PCDHA8: variants seen among roughly 807,000 people sequenced by gnomAD.
PCDHA8 encodes protocadherin alpha 8, also known as protocadherin alpha-8.
Under a neutral mutation model 61.8 loss-of-function variants are expected in PCDHA8, and 53 were observed. The ratio of observed to expected loss-of-function variants is 0.86; its 90% CI spans 0.69 to 1.08. The LOEUF (loss-of-function observed/expected upper bound fraction) is 1.08. Among genes scored for constraint, PCDHA8 ranks in the 50% least tolerant of loss-of-function variants. The pLI is 0.00. For missense variants in PCDHA8, 1,293 were observed against 1,245.0 expected (o/e 1.04, Z -0.58); for synonymous variants, 618 against 556.6 (o/e 1.11, Z -1.55).
intron 1 of PCDHA8, chr5:140,884,153 G>T: frequency 6.2e-7 from 1 of 1,613,470 alleles, no homozygotes; most frequent in Non-Finnish European, 8.5e-7. Flanking sequence ...GCTGTACACT[G>T]GCGAGATCAG....
intron 1 of PCDHA8, chr5:140,857,097 T>A: frequency 6.3e-7 from 1 of 1,597,284 alleles, no homozygotes; most frequent in South Asian, 1.1e-5. Context: ...CCTGAGGTGA[T>A]TGTCACTTCT....
chr5:140,850,287 G>A lies in PCDHA8; in HGVS notation c.2394+6572G>A. On this transcript the variant is annotated intron_variant, in intron 1 of 3. Transcript: ENST00000531613. ...AGTGGTGGGGAAGGTGCGCGCAGTG[G>A]ACGCCGACTCGGGCTACAACGCGTG... 2.5e-6 allele frequency: 4 copies of A among 1,595,954 alleles called. 1 individual carries two copies. Among genetic ancestry groups the A allele is most frequent in the Non-Finnish European group, 3.4e-6 (4 of 1,167,630 alleles).
rs1446194845 is a variant in PCDHA8 at position 140,858,041 on chromosome 5, C to T, written c.2394+14326C>T. 8 of 1,596,732 alleles carry T rather than the reference C, an allele frequency of 5.0e-6. No homozygotes were observed. The African/African-American group carries it at 6.8e-5, about 14-fold the overall frequency. On this transcript the variant is annotated intron_variant, in intron 1 of 3. Transcript: ENST00000531613. ...GTCGCTGACGGCCACGGCCACTGTG[C>T]TTGTGTCGCTTGTGGAGGGCAGCCA...
At chr5:140,858,437 G>C (rs1343643925) in intron 1 of PCDHA8, 1 of 1,541,950 alleles carries the variant, frequency 6.5e-7, no homozygotes, top group South Asian at 1.2e-5. Context: ...CTCTAGGAAG[G>C]TGGGTTATTA....
In PCDHA8 at chr5:140,879,424, A is replaced by T. The variant is rs181418893; in HGVS notation, c.2394+35709A>T. Reference sequence around the variant, plus strand: ...GTATTTGAGCAGGTAGGGAATGGAGATGAACATTTAAGAAAATGTTACTTT... The same window carrying T: ...GTATTTGAGCAGGTAGGGAATGGAGTTGAACATTTAAGAAAATGTTACTTT... On this transcript the variant is annotated intron_variant, in intron 1 of 3. Coordinates refer to ENST00000531613, the MANE Select transcript of PCDHA8 (RefSeq NM_018911.3). Among the ~76,000 whole-genome samples, 1,178 of 152,344 alleles carry T rather than the reference A, an allele frequency of 7.7e-3. 4 individuals carry two copies. The highest frequency in any genetic ancestry group is 0.013 in the Admixed American group (206 of 15,298).
intron 1 of PCDHA8, among the ~76,000 whole-genome samples, chr5:140,948,999 ATT>A (rs782571922): frequency 1.3e-5 from 2 of 151,708 alleles, no homozygotes; most frequent in Non-Finnish European, 3.0e-5. Flanking sequence ...CATTTTACTA[ATT>A]TTTATATGTG....
intron 1 of PCDHA8, chr5:140,862,036 A>G (rs1554155572): frequency 6.4e-6 from 1 of 155,636 alleles, no homozygotes; most frequent in African/African-American, 2.4e-5. Flanking sequence ...CGAGGGTTCA[A>G]ACCGTCACAT....
rs781792274 is a variant in PCDHA8, at chr5:140,927,895, G to A, written c.2395-51054G>A. The A allele has an allele frequency of 4.3e-5, 70 of 1,614,074 alleles. No homozygotes were observed. The highest frequency in any genetic ancestry group is 5.3e-5 in the Non-Finnish European group (62 of 1,180,048). On this transcript the variant is annotated intron_variant, in intron 1 of 3. Coordinates refer to ENST00000531613, the MANE Select transcript of PCDHA8 (RefSeq NM_018911.3). ...GCTGGTGGAGGTGACTGACGTGAACGATCATGCCCCCGAACTGGACTTCCT... is the reference window on the plus strand; with the variant it reads ...GCTGGTGGAGGTGACTGACGTGAACAATCATGCCCCCGAACTGGACTTCCT...
intron 1 of PCDHA8, among the ~76,000 whole-genome samples, chr5:140,909,960 C>T (rs1419796014): frequency 6.6e-6 from 1 of 152,184 alleles, no homozygotes; most frequent in Non-Finnish European, 1.5e-5. Context: ...CGTAGGTCTC[C>T]ATGGGGAAGG....
Position 140,927,865 on chromosome 5 carries a change from A to G in PCDHA8, c.2395-51084A>G, listed in dbSNP as rs576160357. 6.8e-6 allele frequency: 11 copies of G among 1,614,110 alleles called. No homozygotes were observed. In the Admixed American group the frequency reaches 1.3e-4, roughly 20 times the overall value. On this transcript the variant is annotated intron_variant, in intron 1 of 3. Transcript: ENST00000531613. Reference sequence around the variant, plus strand: ...TGTCTTTGGTTTAGCTAGCACCGCTAAACTGCTGGTGGAGGTGACTGACGT... The same window carrying G: ...TGTCTTTGGTTTAGCTAGCACCGCTGAACTGCTGGTGGAGGTGACTGACGT...
At chr5:140,875,743 G>A (rs782705899) in intron 1 of PCDHA8, 7 of 1,614,108 alleles carry the variant, frequency 4.3e-6, no homozygotes, top group Non-Finnish European at 5.1e-6. Context: ...TTCTCGGATC[G>A]ACCGCGAGAA....
intron 1 of PCDHA8, among the ~76,000 whole-genome samples, chr5:140,920,841 T>TA (rs781921146): frequency 0.047 from 5,179 of 109,134 alleles, 120 homozygotes; most frequent in African/African-American, 0.092. Flanking sequence ...AGACCAAATC[T>TA]AAAAAAAAAA....
intron 1 of PCDHA8, among the ~76,000 whole-genome samples, chr5:140,950,960 A>G (rs2094536305): frequency 6.6e-6 from 1 of 151,564 alleles, no homozygotes. Flanking sequence ...CTATTGATCT[A>G]TTTTCAGATT....
intron 1 of PCDHA8, chr5:140,866,524 A>G (rs1232306409): frequency 2.0e-5 from 3 of 152,186 alleles, no homozygotes; most frequent in Non-Finnish European, 2.9e-5. Context: ...AAGCCATGAT[A>G]GAGCAGAATT....
chr5:140,987,363 T>C (rs1269772618), intron 3 of PCDHA8, among the ~76,000 whole-genome samples: 1 of 152,218 alleles, frequency 6.6e-6, no homozygotes, highest in Non-Finnish European at 1.5e-5. Flanking sequence ...GGTTGTCTTA[T>C]ATCATTACAG....
At chr5:140,850,157 C>T (rs2150470014) in intron 1 of PCDHA8, 2 of 1,594,994 alleles carry the variant, frequency 1.3e-6, no homozygotes, top group African/African-American at 1.3e-5. Flanking sequence ...TGCAGGTGTT[C>T]GTGCTGGACG....
At chr5:140,926,707 C>A in intron 1 of PCDHA8, 5 of 886,092 alleles carry the variant, frequency 5.6e-6, no homozygotes, top group Non-Finnish European at 7.9e-6. Context: ...TCCCAGCTGG[C>A]CAGCCCCGGC....
chr5:141,006,180 A>C (rs1554260594), intron 3 of PCDHA8, among the ~76,000 whole-genome samples: 5 of 150,546 alleles, frequency 3.3e-5, no homozygotes, highest in Non-Finnish European at 7.4e-5. Context: ...TTTTTAAAAG[A>C]GTTTGCTATA....
chr5:140,971,970 A>C (rs2096510217), intron 1 of PCDHA8, among the ~76,000 whole-genome samples: 1 of 152,130 alleles, frequency 6.6e-6, no homozygotes, highest in Non-Finnish European at 1.5e-5. Flanking sequence ...TTTTTTCAAT[A>C]CTATGAGTAG....
Sources: allele counts gnomAD v4.1 joint callset (sites outside exome capture counted in the v4.1 genomes callset), GRCh38; gene constraint gnomAD v4.1.1; transcripts MANE v1.5; gene names NCBI Gene and HGNC (gene_info 2026-07-23, HGNC 2026-07-21).